The following CD163L1 variants were observed in gnomAD, a reference collection of about 807,000 sequenced individuals.
CD163L1 encodes the protein scavenger receptor cysteine-rich type 1 protein M160.
A neutral mutation model predicts 165.4 loss-of-function variants in CD163L1; 124 were observed. That is an observed-to-expected ratio of 0.75 (90% CI 0.65 to 0.87). The LOEUF (loss-of-function observed/expected upper bound fraction) is 0.87. CD163L1 is among the 40% of genes least tolerant of loss of function. The pLI is 0.00. For missense variants in CD163L1, 1,525 were observed against 1,799.9 expected, an observed-to-expected ratio of 0.85 and a Z score of 2.76; for synonymous variants, 585 against 662.2, an observed-to-expected ratio of 0.88 and a Z score of 1.79.
intron 4 of CD163L1, among the ~76,000 whole-genome samples, chr12:7,424,639 T>A (rs939600066): frequency 1.3e-5 from 2 of 152,214 alleles, no homozygotes; most frequent in African/African-American, 4.8e-5. Flanking sequence ...TTCAGCAGTC[T>A]CAGCATACAA....
the CD163L1 span, chr12:7,324,591 G>T: frequency 6.2e-7 from 1 of 1,613,832 alleles, no homozygotes; most frequent in Admixed American, 1.7e-5. Flanking sequence ...GATCAAATCC[G>T]CGGAGAGGTA....
rs752027505 is a variant in CD163L1, at chr12:7,368,993, G to A, written c.4040-28C>T. On this transcript the variant is annotated intron_variant, in intron 15 of 19. Coordinates refer to ENST00000313599, the MANE Select transcript of CD163L1 (RefSeq NM_174941.6). This position sits in a 1 kb window ranked among gnomAD's most constrained non-coding sequence, Gnocchi z 4.3. ...GAGAGAGAGAGAGAGAGAGAGAGAC[G>A]TAAATGAACGAAAAGGAACTGGGTA... 9.6e-6 allele frequency: 15 copies of A among 1,560,288 alleles called. No individual in the cohort carries two copies. The highest frequency in any genetic ancestry group is 5.6e-5 in the African/African-American group (4 of 71,786).
At chr12:7,346,056 G>A (rs1043426934), downstream of CD163L1, among the ~76,000 whole-genome samples, 4 of 152,070 alleles carry the variant, frequency 2.6e-5, no homozygotes. Flanking sequence ...CATAAGATTT[G>A]GGTGGAACAA....
chr12:7,425,294 A>G (rs1295717928), intron 4 of CD163L1, among the ~76,000 whole-genome samples: 1 of 152,194 alleles, frequency 6.6e-6, no homozygotes, highest in Non-Finnish European at 1.5e-5. Flanking sequence ...CAGAAAACTG[A>G]AACTGGAACC....
rs71450199 is a variant in CD163L1, at chr12:7,360,964, CTTTGT to C, written c.4280-3483_4280-3479del. On this transcript the variant is annotated intron_variant, in intron 18 of 19. Transcript: ENST00000313599. ...AAGTGGGTTTTTGGTTTTGGTTTTG[CTTTGT>C]TTTGTTTTGTTTTGTCTTGATTTAG... Among the ~76,000 whole-genome samples the C allele has an allele frequency of 6.1e-5, 9 of 147,970 alleles. No individual in the cohort carries two copies. In the East Asian group the frequency reaches 8.9e-4, roughly 15 times the overall value.
chr12:7,332,514 T>G, the CD163L1 span, among the ~76,000 whole-genome samples: 2,991 of 151,964 alleles, frequency 0.02, 83 homozygotes, highest in African/African-American at 0.067. Flanking sequence ...AGGGAAAAAA[T>G]GTTAAGGGCA....
Position 7,379,209 on chromosome 12 carries a change from G to C in CD163L1, c.2140C>G (p.Leu714Val). ...EVNVQGAVGILCANGWGMNIA... is the reference protein window; with the variant it reads ...EVNVQGAVGIVCANGWGMNIA... ...TTCATTCCCCAGCCATTAGCACACA[G>C]AATTCCCACGGCACCCTGGACATTC... is the stretch of plus-strand genomic sequence containing the variant. The change falls in exon 9 of 20, where the codon CTG becomes GTG. Residue 714 changes from leucine (L) to valine (V), a missense_variant. Transcript: ENST00000313599. 2 of 1,614,170 alleles carry C rather than the reference G, an allele frequency of 1.2e-6. No homozygotes were observed. Among genetic ancestry groups the C allele is most frequent in the African/African-American group, 2.7e-5 (2 of 75,044 alleles).
At chr12:7,344,570 C>G (rs991764494), downstream of CD163L1, among the ~76,000 whole-genome samples, 6 of 152,196 alleles carry the variant, frequency 3.9e-5, no homozygotes, top group Admixed American at 3.9e-4. Flanking sequence ...GTGATAGCCC[C>G]CTTCCCACAA....
intron 6 of CD163L1, among the ~76,000 whole-genome samples, chr12:7,399,501 TTCCCTCCCTC>T (rs1947871178): frequency 1.1e-4 from 2 of 17,948 alleles, no homozygotes; most frequent in African/African-American, 2.7e-4. Flanking sequence ...CTTCCTCCCT[TTCCCTCCCTC>T]CCTCCCTCTC....
chr12:7,428,578 C>T (rs1040830387), intron 4 of CD163L1, among the ~76,000 whole-genome samples: 1 of 152,016 alleles, frequency 6.6e-6, no homozygotes, highest in African/African-American at 2.4e-5. Context: ...ATATGATTTA[C>T]CAGCTTCTGG....
intron 9 of CD163L1, among the ~76,000 whole-genome samples, chr12:7,378,071 C>A (rs1453118180): frequency 6.6e-6 from 1 of 152,164 alleles, no homozygotes. Context: ...TCATCCCACC[C>A]TCTCTAAACT....
intron 18 of CD163L1, 22 bp from the exon 19 acceptor site, chr12:7,357,508 T>C: frequency 5.0e-6 from 8 of 1,604,086 alleles, no homozygotes; most frequent in Non-Finnish European, 6.8e-6. Context: ...GCAAAATCTG[T>C]ATTATTGAAT....
In CD163L1 at chr12:7,406,591, T is replaced by C; in HGVS notation, c.1028A>G (p.His343Arg). 6.2e-7 allele frequency: 1 copy of C among 1,614,096 alleles called. No individual in the cohort carries two copies. Among genetic ancestry groups the C allele is most frequent in the Non-Finnish European group, 8.5e-7 (1 of 1,179,996 alleles). ...ACAGTCAAAATTGACGGTTCCGGAA[T>C]GTCTGCAGTCCCAAAGAAAAGATTC... Reference protein sequence around the residue: ...GNESFLWDCRHSGTVNFDCLH... With the variant: ...GNESFLWDCRRSGTVNFDCLH... Residue 343 changes from histidine (H) to arginine (R), a missense_variant, in exon 5 of 20, where the codon CAT becomes CGT. His to Arg is a conservative substitution (Grantham distance 29). Transcript: ENST00000313599.
the CD163L1 span, among the ~76,000 whole-genome samples, chr12:7,322,036 A>C: frequency 4.6e-3 from 701 of 152,312 alleles, 2 homozygotes; most frequent in African/African-American, 0.016. Flanking sequence ...GGGGTTGAGA[A>C]GATTCTAAGA....
chr12:7,398,473 G>A lies in CD163L1; in HGVS notation c.1520C>T (p.Thr507Ile), dbSNP rs770620464. Residue 507 changes from threonine to isoleucine, a missense_variant, in exon 7 of 20, where the codon ACA (threonine) becomes ATA (isoleucine). Transcript: ENST00000313599. The surrounding 1 kb of genome is among the most constrained non-coding windows in gnomAD (Gnocchi z 4.5). ...WGTVCHDRWS[T>I]RNAAVVCKQL... ...TTTACAAACAACAGCTGCATTCCTTGTGCTCCATCTGTCATGACACACAGT... is the reference window on the plus strand; with the variant it reads ...TTTACAAACAACAGCTGCATTCCTTATGCTCCATCTGTCATGACACACAGT... 1 of 1,613,950 alleles carries A rather than the reference G, an allele frequency of 6.2e-7. No homozygotes were observed. The highest frequency in any genetic ancestry group is 1.1e-5 in the South Asian group (1 of 91,076).
Position 7,380,422 on chromosome 12 carries a change from T to C in CD163L1, c.2051-1124A>G, listed in dbSNP as rs149405232. Among the ~76,000 whole-genome samples, 623 of 151,338 alleles carry C rather than the reference T, an allele frequency of 4.1e-3. 1 individual carries two copies. Among genetic ancestry groups the C allele is most frequent in the Non-Finnish European group, 7.0e-3 (476 of 67,698 alleles). On this transcript the variant is annotated intron_variant, in intron 8 of 19. Coordinates refer to ENST00000313599, the MANE Select transcript of CD163L1 (RefSeq NM_174941.6). The stretch of plus-strand genomic sequence containing the variant: ...ACACACATGTATGTGTGTATATATA[T>C]ACACATGATGGAATACTACTCAGCC...
At chr12:7,417,200 T>C (rs1948261830) in intron 4 of CD163L1, among the ~76,000 whole-genome samples, 1 of 152,192 alleles carries the variant, frequency 6.6e-6, no homozygotes, top group Non-Finnish European at 1.5e-5. Context: ...AGTTCACTCA[T>C]GATTTGGCTC....
In CD163L1 at chr12:7,433,404, G is replaced by A. The variant is rs1362632362; in HGVS notation, c.415C>T (p.His139Tyr). ...HREWGSHNCY[H>Y]GEDVGVNCYG... Reference sequence around the variant, plus strand: ...CAGTTCACACCAACATCTTCTCCATGATAACAGTTATGGCTTCCCCATTCC... The same window carrying A: ...CAGTTCACACCAACATCTTCTCCATAATAACAGTTATGGCTTCCCCATTCC... The change falls in exon 3 of 20, where the codon CAT (histidine) becomes TAT (tyrosine). Residue 139 changes from histidine to tyrosine, a missense_variant. Transcript: ENST00000313599. 1 of 1,603,318 alleles carries A rather than the reference G, an allele frequency of 6.2e-7. No individual in the cohort carries two copies. The highest frequency in any genetic ancestry group is 8.5e-7 in the Non-Finnish European group (1 of 1,174,594).
chr12:7,355,601 T>C (rs1946758582), intron 19 of CD163L1, among the ~76,000 whole-genome samples: 1 of 152,154 alleles, frequency 6.6e-6, no homozygotes, highest in South Asian at 2.1e-4. Context: ...TGTTATGAGC[T>C]GAATTGGGTC....
Sources: allele counts gnomAD v4.1 joint callset (sites outside exome capture counted in the v4.1 genomes callset), GRCh38; gene constraint gnomAD v4.1.1; non-coding constraint Gnocchi (gnomAD v3.1); transcripts MANE v1.5; gene names NCBI Gene and HGNC (gene_info 2026-07-23, HGNC 2026-07-21).